Variants in BLM observed in about 807,000 individuals in gnomAD.
BLM encodes the protein recQ-like DNA helicase BLM.
BLM carries 95 observed loss-of-function variants against 135.3 expected under a neutral mutation model. The observed-to-expected ratio is 0.70, with a 90% confidence interval of 0.59 to 0.83. BLM has a LOEUF of 0.83. Ranked by LOEUF, BLM falls within the 40% of genes least tolerant of loss-of-function variation. The pLI is 0.00. For missense variants in BLM, 1,518 were observed against 1,663.9 expected (o/e 0.91, Z 1.53); for synonymous variants, 520 against 589.2 (o/e 0.88, Z 1.70).
At chr15:90,719,644 G>A (rs1402543014) in intron 1 of BLM, among the ~76,000 whole-genome samples, 2 of 152,016 alleles carry the variant, frequency 1.3e-5, no homozygotes, top group Non-Finnish European at 2.9e-5. Flanking sequence ...GAATAGGGCC[G>A]AGTTTAACTT....
chr15:90,726,349 AC>A (rs1437545590), intron 1 of BLM, among the ~76,000 whole-genome samples: 1 of 152,042 alleles, frequency 6.6e-6, no homozygotes, highest in Non-Finnish European at 1.5e-5. Context: ...GCTCACTGCA[AC>A]CTCTGCCTCC....
intron 1 of BLM, among the ~76,000 whole-genome samples, chr15:90,738,538 G>T (rs1344126880): frequency 6.6e-6 from 1 of 151,776 alleles, no homozygotes; most frequent in Non-Finnish European, 1.5e-5. Flanking sequence ...ACTCCAGCCT[G>T]GGTGACAGAG....
Position 90,759,245 on chromosome 15 carries a change from ATT to A in BLM, c.1088-899_1088-898del, listed in dbSNP as rs552643129. ...TGATCTTGTTTTTACACTGCTTCAT[ATT>A]TTACATATGTGACTTTCAAAATCTT... is the stretch of plus-strand genomic sequence containing the variant. On this transcript the variant is annotated intron_variant, in intron 5 of 21. Coordinates refer to ENST00000355112, the MANE Select transcript of BLM (RefSeq NM_000057.4). Among the ~76,000 whole-genome samples the A allele has an allele frequency of 1.8e-3, 279 of 152,144 alleles. 2 individuals carry two copies. Among genetic ancestry groups the A allele is most frequent in the African/African-American group, 6.0e-3 (250 of 41,506 alleles).
chr15:90,808,962 C>T lies in BLM; in HGVS notation c.3752-175C>T, dbSNP rs904663298. On this transcript the variant is annotated intron_variant, in intron 19 of 21. Coordinates refer to ENST00000355112, the MANE Select transcript of BLM (RefSeq NM_000057.4). Reference sequence around the variant, plus strand: ...GGATGGTGGGTTCCTGCCCTCTGTGCCTGTCTGCTGCCTCTGAGGTGCTAA... The same window carrying T: ...GGATGGTGGGTTCCTGCCCTCTGTGTCTGTCTGCTGCCTCTGAGGTGCTAA... 2.1e-5 allele frequency: 17 copies of T among 800,156 alleles called. No individual in the cohort carries two copies. The East Asian group carries it at 3.6e-4, about 17-fold the overall frequency. 49.6% of individuals were successfully genotyped at this position (800,156 alleles called of 1,614,324 possible).
At chr15:90,810,544 C>A (rs543964809) in intron 20 of BLM, among the ~76,000 whole-genome samples, 1 of 152,266 alleles carries the variant, frequency 6.6e-6, no homozygotes, top group East Asian at 1.9e-4. Flanking sequence ...TGTGAGCTAT[C>A]TATAGGGAGG....
intron 12 of BLM, among the ~76,000 whole-genome samples, chr15:90,773,136 G>A (rs987555004): frequency 7.0e-6 from 1 of 143,874 alleles, no homozygotes. Flanking sequence ...AGCGTAGACA[G>A]CAGCCGAGCG....
chr15:90,778,205 A>G (rs7165790), intron 12 of BLM, among the ~76,000 whole-genome samples: 69,969 of 152,044 alleles, frequency 0.46, 19,013 homozygotes, highest in African/African-American at 0.77. Flanking sequence ...AATTGGATTC[A>G]TGATCTACAA....
In BLM at chr15:90,804,220, A is replaced by T. The variant is rs1231990786; in HGVS notation, c.3612A>T (p.Leu1204Phe). Residue 1204 changes from leucine to phenylalanine, a missense_variant, in exon 19 of 22, where the codon TTA becomes TTT. Around this residue, in one of 5 missense-constraint regions of BLM, gnomAD observed 626 missense variants for 681.1 expected, o/e 0.92. Transcript: ENST00000355112. ...GCAGTGTGAAAAAACAAAAAGCGTT[A>T]GTAGCAAAAGTGTCTCAGAGGGAAG... ...NSSSVKKQKA[L>F]VAKVSQREEM... 1 of 1,614,160 alleles carries T rather than the reference A, an allele frequency of 6.2e-7. No individual in the cohort carries two copies. The highest frequency in any genetic ancestry group is 8.5e-7 in the Non-Finnish European group (1 of 1,179,968).
intron 16 of BLM, among the ~76,000 whole-genome samples, chr15:90,795,914 C>G (rs1328126538): frequency 1.3e-5 from 2 of 152,180 alleles, no homozygotes; most frequent in African/African-American, 4.8e-5. Flanking sequence ...TGAGGAAAAT[C>G]TTGAAGAAGG....
chr15:90,760,664 A>C lies in BLM; in HGVS notation c.1291A>C (p.Arg431=). 1 of 1,613,900 alleles carries C rather than the reference A, an allele frequency of 6.2e-7. No homozygotes were observed. The highest frequency in any genetic ancestry group is 8.5e-7 in the Non-Finnish European group (1 of 1,179,810). Residue 431 remains arginine (R), a synonymous_variant, in exon 7 of 22, where the codon AGG becomes CGG. Coordinates refer to ENST00000355112, the MANE Select transcript of BLM (RefSeq NM_000057.4). The part of the protein sequence containing the change: ...ASLLGSLWRY[R]PDSLDGPMEG... Reference sequence around the variant, plus strand: ...TCTTCTTGGCTCATTGTGGAGATACAGGCCTGATTCACTTGATGGCCCTAT... The same window carrying C: ...TCTTCTTGGCTCATTGTGGAGATACCGGCCTGATTCACTTGATGGCCCTAT...
chr15:90,751,782 T>G lies in BLM; in HGVS notation c.800-5T>G. 1 of 1,607,244 alleles carries G rather than the reference T, an allele frequency of 6.2e-7. No homozygotes were observed. ...AATCTATGTTTATCAACTGTTTTAC[T>G]GTAGATAATAGCGAAAAGAAGAAGA... is the stretch of plus-strand genomic sequence containing the variant. On this transcript the variant is annotated splice_region_variant and splice_polypyrimidine_tract_variant and intron_variant, in intron 3 of 21. Coordinates refer to ENST00000355112, the MANE Select transcript of BLM (RefSeq NM_000057.4).
chr15:90,814,078 A>G (rs538330920), intron 21 of BLM, among the ~76,000 whole-genome samples: 1 of 152,372 alleles, frequency 6.6e-6, no homozygotes, highest in South Asian at 2.1e-4. Flanking sequence ...TTCAGGCTGC[A>G]TCTCTGCCAG....
intron 14 of BLM, among the ~76,000 whole-genome samples, chr15:90,786,117 G>A (rs781475011): frequency 1.8e-4 from 26 of 148,322 alleles, no homozygotes; most frequent in Non-Finnish European, 3.4e-4. Context: ...CACTTCCCAA[G>A]TAGCTAGGAC....
chr15:90,804,891 C>T (rs1242758647), intron 19 of BLM, among the ~76,000 whole-genome samples: 1 of 152,160 alleles, frequency 6.6e-6, no homozygotes, highest in African/African-American at 2.4e-5. Context: ...GGCTGGAGTG[C>T]AGTGGCGCGA....
At chr15:90,747,846 C>G (rs1341592415) in intron 2 of BLM, among the ~76,000 whole-genome samples, 3 of 152,040 alleles carry the variant, frequency 2.0e-5, no homozygotes, top group Non-Finnish European at 4.4e-5. Context: ...CTCGCTCTGT[C>G]GCACAGGCTG....
chr15:90,746,539 T>C (rs1190803338), intron 1 of BLM, among the ~76,000 whole-genome samples: 1 of 152,214 alleles, frequency 6.6e-6, no homozygotes. Context: ...TTGATAGATA[T>C]GGGTTAATGA....
At chr15:90,765,889 G>A (rs762545639) in intron 9 of BLM, among the ~76,000 whole-genome samples, 1 of 152,190 alleles carries the variant, frequency 6.6e-6, no homozygotes, top group East Asian at 1.9e-4. Flanking sequence ...AAGGTGGGAG[G>A]ATTGCTTGAG....
At chr15:90,775,855 T>TTTTG (rs144657227) in intron 12 of BLM, among the ~76,000 whole-genome samples, 3,971 of 152,042 alleles carry the variant, frequency 0.026, 189 homozygotes, top group African/African-American at 0.091. Context: ...GAGATAGGCC[T>TTTTG]TTTGTTTGTT....
At chr15:90,790,011 T>G (rs960752263) in intron 14 of BLM, among the ~76,000 whole-genome samples, 9 of 137,328 alleles carry the variant, frequency 6.6e-5, no homozygotes, top group Non-Finnish European at 6.2e-5. Context: ...TTTTTTTTTT[T>G]TTTTTTTTTT....
Sources: allele counts gnomAD v4.1 joint callset (sites outside exome capture counted in the v4.1 genomes callset), GRCh38; gene constraint gnomAD v4.1.1; regional missense constraint gnomAD v4.1.1; transcripts MANE v1.5; gene names NCBI Gene and HGNC (gene_info 2026-07-23, HGNC 2026-07-21).